The following ZNF490 variants were observed in gnomAD, a reference collection of about 807,000 sequenced individuals.
ZNF490 encodes zinc finger protein 490.
ZNF490 carries 11 observed loss-of-function variants against 17.7 expected under a neutral mutation model. That is an observed-to-expected ratio of 0.62 (90% CI 0.39 to 1.03). The LOEUF is 1.03. ZNF490 is among the 50% of genes least tolerant of loss of function. The probability of loss-of-function intolerance (pLI) is 0.00; values close to 1 mark genes in which losing one functional copy is unlikely to be tolerated. For missense variants in ZNF490, 542 were observed against 643.4 expected, an observed-to-expected ratio of 0.84 and a Z score of 1.71; for synonymous variants, 222 against 216.1, an observed-to-expected ratio of 1.03 and a Z score of -0.24.
intron 2 of ZNF490, among the ~76,000 whole-genome samples, chr19:12,590,265 G>A (rs1490891289): frequency 6.7e-6 from 1 of 148,296 alleles, no homozygotes; most frequent in Admixed American, 6.9e-5. Flanking sequence ...CCAGGCTGGA[G>A]TGCACTGGTG....
At chr19:12,582,685 C>T (rs865898889) in intron 4 of ZNF490, among the ~76,000 whole-genome samples, 165 bp downstream of exon 4, 21 of 152,184 alleles carry the variant, frequency 1.4e-4, no homozygotes, top group Admixed American at 9.2e-4. Context: ...TGAGCCACCA[C>T]GCCTGGCTGC....
Position 12,579,055 on chromosome 19 carries a change from T to C in ZNF490, c.*1430A>G, listed in dbSNP as rs535792959. ...GATCACGAGGTCAGGAGATCAAGAC[T>C]ATCCTGGCTAACACGGTGAAACCCC... On this transcript the variant is annotated 3_prime_UTR_variant, in exon 5 of 5. Transcript: ENST00000311437. 1.1e-3 allele frequency: 536 copies of C among 470,598 alleles called. 1 individual carries two copies. Among genetic ancestry groups the C allele is most frequent in the East Asian group, 2.0e-3 (13 of 6,370 alleles). 29.2% of individuals were successfully genotyped at this position (470,598 alleles called of 1,614,324 possible).
intron 2 of ZNF490, among the ~76,000 whole-genome samples, chr19:12,590,759 AAT>A (rs746639092): frequency 3.5e-4 from 53 of 152,186 alleles, no homozygotes; most frequent in Admixed American, 8.5e-4. Flanking sequence ...CAGCCACACA[AAT>A]ATAGTCAACT....
intron 2 of ZNF490, among the ~76,000 whole-genome samples, chr19:12,591,329 G>C (rs2022868384): frequency 1.3e-5 from 2 of 151,562 alleles, no homozygotes; most frequent in Admixed American, 1.3e-4. Flanking sequence ...AGCTGATGTT[G>C]CAGTGAGCCG....
In ZNF490 at chr19:12,581,602, C is replaced by A. The variant is rs2022736305; in HGVS notation, c.473G>T (p.Cys158Phe). Residue 158 changes from cysteine to phenylalanine, a missense_variant, in exon 5 of 5, where the codon TGC becomes TTC. Coordinates refer to ENST00000311437, the MANE Select transcript of ZNF490 (RefSeq NM_020714.3). ...ETPTGLKPCD[C>F]SVCGEVFMHQ... is the part of the protein sequence containing the mutation. ...CATGAAGACTTCCCCACACACACTG[C>A]AGTCACATGGTTTTAATCCAGTAGG... The A allele has an allele frequency of 1.2e-6, 2 of 1,614,062 alleles. No homozygotes were observed. Among genetic ancestry groups the A allele is most frequent in the African/African-American group, 2.7e-5 (2 of 74,924 alleles).
Position 12,579,682 on chromosome 19 carries a change from G to A in ZNF490, c.*803C>T, listed in dbSNP as rs895741708. The A allele has an allele frequency of 1.3e-5, 2 of 152,234 alleles. No homozygotes were observed. Among genetic ancestry groups the A allele is most frequent in the Admixed American group, 1.3e-4 (2 of 15,246 alleles). The allele number at this position is 152,234 out of a possible 1,614,324, so 9.4% of individuals were successfully genotyped here. A position where few individuals can be genotyped will look rare whatever the true frequency, so the allele number is the denominator to read the frequency against. ...AAAAATTAGCTGGGCATGGTGGTGG[G>A]CACTTGTAATCCCAGCTACTTGGAA... On this transcript the variant is annotated 3_prime_UTR_variant, in exon 5 of 5. Coordinates refer to ENST00000311437, the MANE Select transcript of ZNF490 (RefSeq NM_020714.3).
rs558374614 is a variant in ZNF490 at position 12,580,102 on chromosome 19, C to T, written c.*383G>A. 3.0e-5 allele frequency: 30 copies of T among 991,576 alleles called. No homozygotes were observed. The African/African-American group carries it at 5.2e-4, about 17-fold the overall frequency. 61.4% of individuals were successfully genotyped at this position (991,576 alleles called of 1,614,324 possible). Reference sequence around the variant, plus strand: ...AGCCTGGGCAACAAGAGCAAAATTACATCTCAACAAAAACAAAAACAAAAA... The same window carrying T: ...AGCCTGGGCAACAAGAGCAAAATTATATCTCAACAAAAACAAAAACAAAAA... On this transcript the variant is annotated 3_prime_UTR_variant, in exon 5 of 5. Coordinates refer to ENST00000311437, the MANE Select transcript of ZNF490 (RefSeq NM_020714.3).
intron 2 of ZNF490, among the ~76,000 whole-genome samples, chr19:12,593,664 A>G (rs1471195637): frequency 6.6e-6 from 1 of 152,174 alleles, no homozygotes; most frequent in Non-Finnish European, 1.5e-5. Context: ...TGACTAACTG[A>G]TGAACTGCCC....
intron 1 of ZNF490, 124 bp downstream of exon 1, chr19:12,610,440 G>A: frequency 1.2e-6 from 1 of 849,730 alleles, no homozygotes; most frequent in Non-Finnish European, 1.9e-6. Flanking sequence ...CCTCAACGCT[G>A]TTATGGTCAA....
chr19:12,593,846 G>A (rs1448718947), intron 2 of ZNF490, among the ~76,000 whole-genome samples: 1 of 152,074 alleles, frequency 6.6e-6, no homozygotes, highest in African/African-American at 2.4e-5. Flanking sequence ...CATGACATCT[G>A]GCAAGGAAGA....
rs1319687172 is a variant in ZNF490, at chr19:12,584,077, TG to T, written c.163-522del. 4.3e-5 allele frequency among the ~76,000 whole-genome samples: 6 copies of T among 139,038 alleles called. 1 individual carries two copies. The highest frequency in any genetic ancestry group is 1.0e-4 in the African/African-American group (4 of 38,356). 91.2% of individuals were successfully genotyped at this position (139,038 alleles called of 152,430 possible). ...CGCCCGCCTCGGCCTCCCAGAGTGC[TG>T]GGATTACAGGCGTGAGCCACCGCAC... On this transcript the variant is annotated intron_variant, in intron 2 of 4. Coordinates refer to ENST00000311437, the MANE Select transcript of ZNF490 (RefSeq NM_020714.3).
rs780802773 is a variant in ZNF490 at position 12,581,540 on chromosome 19, T to C, written c.535A>G (p.Thr179Ala). ...VSLNRHMRSHTEQKPNECHEY... is the reference protein window; with the variant it reads ...VSLNRHMRSHAEQKPNECHEY... ...TGACACTCATTTGGTTTCTGTTCAG[T>C]GTGAGATCTCATGTGCCTATTAAGG... The change falls in exon 5 of 5, where the codon ACT (threonine) becomes GCT (alanine). Residue 179 changes from threonine (T) to alanine (A), a missense_variant. Coordinates refer to ENST00000311437, the MANE Select transcript of ZNF490 (RefSeq NM_020714.3). 3.1e-5 allele frequency: 50 copies of C among 1,614,044 alleles called. No homozygotes were observed. The East Asian group carries it at 1.1e-3, about 35-fold the overall frequency.
chr19:12,578,435 T>G lies in ZNF490; in HGVS notation c.*2050A>C. On this transcript the variant is annotated 3_prime_UTR_variant, in exon 5 of 5. Transcript: ENST00000311437. ...GTCCCATGATACAGGCTCTGCTTCT[T>G]CAGTCTCTCACCTCAGAGCCACCTG... 1.0e-6 allele frequency: 1 copy of G among 985,468 alleles called. No individual in the cohort carries two copies. The highest frequency in any genetic ancestry group is 1.2e-6 in the Non-Finnish European group (1 of 829,968). The allele number at this position is 985,468 out of a possible 1,614,324, so 61.0% of individuals were successfully genotyped here.
At chr19:12,582,497 C>T (rs1174829809) in intron 4 of ZNF490, among the ~76,000 whole-genome samples, 7 of 151,676 alleles carry the variant, frequency 4.6e-5, no homozygotes, top group African/African-American at 1.2e-4. Flanking sequence ...CAGGTTCAAG[C>T]GATTCTCCTG....
In ZNF490 at chr19:12,578,193, T is replaced by C. The variant is rs1273342707; in HGVS notation, c.*2292A>G. 1.0e-6 allele frequency: 1 copy of C among 985,284 alleles called. No homozygotes were observed. Among genetic ancestry groups the C allele is most frequent in the Non-Finnish European group, 1.2e-6 (1 of 829,962 alleles). 61.0% of individuals were successfully genotyped at this position (985,284 alleles called of 1,614,324 possible). A position where few individuals can be genotyped will look rare whatever the true frequency, so the allele number is the denominator to read the frequency against. On this transcript the variant is annotated 3_prime_UTR_variant, in exon 5 of 5. Transcript: ENST00000311437. Reference sequence around the variant, plus strand: ...GCACTGACGTGAGAAGGCCGGAGCATCATCAGTGCATATGCCGCTGAATAT... The same window carrying C: ...GCACTGACGTGAGAAGGCCGGAGCACCATCAGTGCATATGCCGCTGAATAT...
rs998612438 is a variant in ZNF490 at position 12,580,249 on chromosome 19, G to A, written c.*236C>T. On this transcript the variant is annotated 3_prime_UTR_variant, in exon 5 of 5. Coordinates refer to ENST00000311437, the MANE Select transcript of ZNF490 (RefSeq NM_020714.3). ...AGGCTTTCCTACACTCCATACATTC[G>A]TAGCTTTTCTGTCCATGGAGTCCAT... is the stretch of plus-strand genomic sequence containing the variant. 1.2e-5 allele frequency: 15 copies of A among 1,277,766 alleles called. No homozygotes were observed. In the South Asian group the frequency reaches 2.3e-4, roughly 20 times the overall value. 79.2% of individuals were successfully genotyped at this position (1,277,766 alleles called of 1,614,324 possible). A position where few individuals can be genotyped will look rare whatever the true frequency, so the allele number is the denominator to read the frequency against.
At chr19:12,596,000 C>T (rs1287223400) in intron 2 of ZNF490, among the ~76,000 whole-genome samples, 1 of 151,922 alleles carries the variant, frequency 6.6e-6, no homozygotes, top group Non-Finnish European at 1.5e-5. Flanking sequence ...CGCAGCAGCT[C>T]ACACCTGTAA....
chr19:12,590,695 AGAGCAAGGTTGAAG>A (rs2022860113), intron 2 of ZNF490, among the ~76,000 whole-genome samples: 1 of 152,232 alleles, frequency 6.6e-6, no homozygotes, highest in South Asian at 2.1e-4. Flanking sequence ...GGAACCAATA[AGAGCAAGGTTGAAG>A]GACACAAGCT....
chr19:12,606,037 C>T (rs1337794143), intron 2 of ZNF490, among the ~76,000 whole-genome samples: 5 of 151,954 alleles, frequency 3.3e-5, no homozygotes, highest in East Asian at 1.9e-4. Flanking sequence ...TGTGCCACCA[C>T]GTCCCGCTAA....
Sources: gnomAD v4.1 joint callset for allele counts (sites outside exome capture counted in the v4.1 genomes callset) on GRCh38, gnomAD v4.1.1 for gene constraint, MANE v1.5 for transcripts, NCBI Gene and HGNC (gene_info 2026-07-23, HGNC 2026-07-21) for gene names.